Variants in PCDHA2 observed in about 807,000 individuals in gnomAD.
The protein encoded by PCDHA2 is protocadherin alpha-2.
A neutral mutation model predicts 66.0 loss-of-function variants in PCDHA2; 58 were observed. The ratio of observed to expected loss-of-function variants is 0.88; its 90% CI spans 0.71 to 1.09. PCDHA2 has a LOEUF of 1.09. Ranked by LOEUF, PCDHA2 falls within the 50% of genes least tolerant of loss-of-function variation. The pLI, the probability that PCDHA2 is intolerant of heterozygous loss-of-function variation, is 0.00. For missense variants in PCDHA2, 1,267 were observed against 1,242.3 expected (o/e 1.02, Z -0.30); for synonymous variants, 634 against 554.0 (o/e 1.14, Z -2.03).
intron 1 of PCDHA2, among the ~76,000 whole-genome samples, chr5:140,888,046 A>G (rs2061675850): frequency 6.6e-6 from 1 of 152,214 alleles, no homozygotes; most frequent in South Asian, 2.1e-4. Flanking sequence ...CATGTATAAT[A>G]GATGTTTTAA....
At chr5:140,797,663 C>G (rs566395323) in intron 1 of PCDHA2, among the ~76,000 whole-genome samples, 1 of 152,182 alleles carries the variant, frequency 6.6e-6, no homozygotes, top group Non-Finnish European at 1.5e-5. Context: ...TATTTTCTCT[C>G]TTAAAAATTG....
chr5:140,906,438 G>T (rs1264031299), intron 1 of PCDHA2, among the ~76,000 whole-genome samples: 1 of 152,016 alleles, frequency 6.6e-6, no homozygotes, highest in Non-Finnish European at 1.5e-5. Context: ...TGATAAACAA[G>T]AAAGGAAATA....
chr5:140,896,959 T>C (rs1486927062), intron 1 of PCDHA2, among the ~76,000 whole-genome samples: 1 of 152,204 alleles, frequency 6.6e-6, no homozygotes, highest in Non-Finnish European at 1.5e-5. Context: ...CCTTAAACAT[T>C]TATTCTTTGC....
chr5:140,863,393 C>T (rs782189753), intron 1 of PCDHA2: 2 of 924,736 alleles, frequency 2.2e-6, no homozygotes, highest in African/African-American at 1.7e-5. Context: ...TCGTGCATGC[C>T]GGGCAAGCCC....
chr5:140,950,435 A>T (rs2094483371), intron 1 of PCDHA2, among the ~76,000 whole-genome samples: 1 of 152,038 alleles, frequency 6.6e-6, no homozygotes, highest in Non-Finnish European at 1.5e-5. Flanking sequence ...CACTTAAAAA[A>T]AATGTTATTC....
chr5:140,857,507 G>T, intron 1 of PCDHA2: 2 of 1,598,302 alleles, frequency 1.3e-6, no homozygotes, highest in African/African-American at 1.3e-5. Context: ...GCAGGAGAAC[G>T]CCCTGGTGTC....
intron 1 of PCDHA2, among the ~76,000 whole-genome samples, chr5:140,819,033 C>T (rs1371427690): frequency 3.9e-5 from 6 of 152,058 alleles, no homozygotes; most frequent in Non-Finnish European, 5.9e-5. Flanking sequence ...TAGCACATTC[C>T]CTTATAGGGC....
intron 1 of PCDHA2, chr5:140,967,716 T>C: frequency 1.2e-6 from 2 of 1,613,914 alleles, no homozygotes; most frequent in Non-Finnish European, 1.7e-6. Context: ...ACCGGGGAAG[T>C]GCGAGTAATT....
intron 3 of PCDHA2, among the ~76,000 whole-genome samples, chr5:140,994,381 C>T (rs1339661887): frequency 6.6e-6 from 1 of 152,086 alleles, no homozygotes; most frequent in East Asian, 1.9e-4. Context: ...ATTCAGGGGA[C>T]TAAGTCAGAG....
At chr5:140,968,907 C>G in intron 1 of PCDHA2, 1 of 1,614,180 alleles carries the variant, frequency 6.2e-7, no homozygotes. Context: ...GCATTAAGCA[C>G]AGTGTCTTTT....
At chr5:140,984,031 CAT>C (rs2153832931) in intron 3 of PCDHA2, among the ~76,000 whole-genome samples, 1 of 152,260 alleles carries the variant, frequency 6.6e-6, no homozygotes, top group South Asian at 2.1e-4. Context: ...AGGGGAAAAA[CAT>C]AAAATAGTTC....
chr5:140,819,333 C>T (rs2150103874), intron 1 of PCDHA2, among the ~76,000 whole-genome samples: 20 of 152,126 alleles, frequency 1.3e-4, no homozygotes, highest in African/African-American at 4.6e-4. Flanking sequence ...GAATAAAGGA[C>T]ATTTGTACCC....
chr5:141,004,632 GA>G (rs1401867459), intron 3 of PCDHA2, among the ~76,000 whole-genome samples: 19 of 152,200 alleles, frequency 1.2e-4, no homozygotes, highest in African/African-American at 3.4e-4. Context: ...TATGGTTGAA[GA>G]AAAATTTCCA....
In PCDHA2 at chr5:140,927,952, G is replaced by C. The variant is rs1352026553; in HGVS notation, c.2389-50997G>C. 6 of 1,614,064 alleles carry C rather than the reference G, an allele frequency of 3.7e-6. No homozygotes were observed. In the African/African-American group the frequency reaches 8.0e-5, roughly 22 times the overall value. On this transcript the variant is annotated intron_variant, in intron 1 of 3. Coordinates refer to ENST00000526136, the MANE Select transcript of PCDHA2 (RefSeq NM_018905.3). ...TTCGAACCCAGTACCTGAGGACGCTGCCCCTGGCACAGTGATTGCTCTCTT... is the reference window on the plus strand; with the variant it reads ...TTCGAACCCAGTACCTGAGGACGCTCCCCCTGGCACAGTGATTGCTCTCTT...
In PCDHA2 at chr5:140,828,621, A is replaced by G. The variant is rs2150157492; in HGVS notation, c.2388+31269A>G. Reference sequence around the variant, plus strand: ...ACCTATAAACTCAGTTCTAGCGAATACTTCGGGCTAGATGTGAAAATAAAC... The same window carrying G: ...ACCTATAAACTCAGTTCTAGCGAATGCTTCGGGCTAGATGTGAAAATAAAC... On this transcript the variant is annotated intron_variant, in intron 1 of 3. Transcript: ENST00000526136. 11 of 1,614,094 alleles carry G rather than the reference A, an allele frequency of 6.8e-6. No individual in the cohort carries two copies. The South Asian group carries it at 1.2e-4, about 18-fold the overall frequency.
chr5:140,926,755 T>G, intron 1 of PCDHA2: 4 of 1,282,566 alleles, frequency 3.1e-6, no homozygotes, highest in Non-Finnish European at 4.0e-6. Context: ...CGGCGGTCGC[T>G]GAGTATCCAG....
chr5:140,875,505 C>T, intron 1 of PCDHA2: 6 of 1,613,560 alleles, frequency 3.7e-6, no homozygotes, highest in Non-Finnish European at 5.1e-6. Context: ...GCCCGGGATC[C>T]CAGCGTCTGC....
chr5:140,831,358 T>TTG (rs1379903906), intron 1 of PCDHA2: 4 of 110,904 alleles, frequency 3.6e-5, no homozygotes, highest in Non-Finnish European at 5.7e-5. Flanking sequence ...ATTCACTATT[T>TTG]TGTATGTGTG....
intron 1 of PCDHA2, chr5:140,881,522 A>G: frequency 5.1e-6 from 1 of 196,850 alleles, no homozygotes; most frequent in South Asian, 1.8e-4. Context: ...AAAATCCCAC[A>G]CATATTGACT....
Sources: allele counts gnomAD v4.1 joint callset (sites outside exome capture counted in the v4.1 genomes callset), GRCh38; gene constraint gnomAD v4.1.1; transcripts MANE v1.5; gene names NCBI Gene and HGNC (gene_info 2026-07-23, HGNC 2026-07-21).